FBXW7: variants seen among roughly 807,000 people sequenced by gnomAD.
The protein encoded by FBXW7 is F-box/WD repeat-containing protein 7.
A neutral mutation model predicts 86.3 loss-of-function variants in FBXW7; 11 were observed. The observed-to-expected ratio is 0.13, with a 90% CI of 0.08 to 0.21. The LOEUF (loss-of-function observed/expected upper bound fraction) is 0.21, where lower values mean the gene tolerates loss of function less well. FBXW7 is among the 10% of genes least tolerant of loss of function. The pLI, the probability that FBXW7 is intolerant of heterozygous loss-of-function variation, is 1.00. For synonymous variants in FBXW7, 313 were observed against 297.9 expected (o/e 1.05, Z -0.52); for missense variants, 488 against 847.4 (o/e 0.58, Z 5.27).
At chr4:152,362,848 A>AC (rs1014825445) in intron 4 of FBXW7, among the ~76,000 whole-genome samples, 1 of 150,990 alleles carries the variant, frequency 6.6e-6, no homozygotes, top group Non-Finnish European at 1.5e-5. Context: ...AAAAAAAAAA[A>AC]ACAACAAGAA....
At chr4:152,429,484 G>A (rs1739696821) in intron 2 of FBXW7, among the ~76,000 whole-genome samples, 1 of 152,044 alleles carries the variant, frequency 6.6e-6, no homozygotes. Context: ...ATCTCAACAA[G>A]GGTCTTTTTA....
intron 2 of FBXW7, among the ~76,000 whole-genome samples, chr4:152,511,918 AAGG>A (rs1413342154): frequency 1.3e-5 from 2 of 152,176 alleles, no homozygotes; most frequent in Non-Finnish European, 2.9e-5. Flanking sequence ...AGCATGTAAA[AAGG>A]AGAAAAAGAC....
At chr4:152,339,020 C>T (rs565172235) in intron 6 of FBXW7, among the ~76,000 whole-genome samples, 50 of 152,268 alleles carry the variant, frequency 3.3e-4, no homozygotes, top group African/African-American at 1.1e-3. Flanking sequence ...ATATGAGGAG[C>T]TGTATTTGGA....
At position 152,501,316 on chromosome 4, in the gene FBXW7, T is replaced by C. The variant is rs1007520034; in HGVS notation, c.-120+33625A>G. Among the ~76,000 whole-genome samples, 5 of 152,332 alleles carry C rather than the reference T, an allele frequency of 3.3e-5. No individual in the cohort carries two copies. In the East Asian group the frequency reaches 5.8e-4, roughly 18 times the overall value. On this transcript the variant is annotated intron_variant, in intron 2 of 13. Coordinates refer to ENST00000281708, the MANE Select transcript of FBXW7 (RefSeq NM_001349798.2). ...ACTTCCTTCTTTATTCATGAACTTA[T>C]GCTTCATAGGATTTTTAAAACAAGT...
intron 2 of FBXW7, among the ~76,000 whole-genome samples, chr4:152,441,634 A>G (rs2126985522): frequency 1.3e-5 from 2 of 152,354 alleles, no homozygotes; most frequent in Middle Eastern, 3.4e-3. Context: ...CAAAATACGC[A>G]AAGAGCCAAG....
At chr4:152,530,989 C>G (rs751000926) in intron 2 of FBXW7, 2 of 152,222 alleles carry the variant, frequency 1.3e-5, no homozygotes, top group Non-Finnish European at 2.9e-5. Context: ...GAAGACTTCT[C>G]CAAGAACCAT....
intron 4 of FBXW7, among the ~76,000 whole-genome samples, chr4:152,372,915 C>A (rs1039357339): frequency 3.3e-5 from 5 of 151,898 alleles, no homozygotes; most frequent in Admixed American, 3.3e-4. Context: ...TAGGGCACAA[C>A]CCAATACTAA....
chr4:152,487,145 C>T (rs1239806327), intron 2 of FBXW7, among the ~76,000 whole-genome samples: 2 of 152,114 alleles, frequency 1.3e-5, no homozygotes, highest in African/African-American at 4.8e-5. Context: ...TGTAGAAAAT[C>T]ATTTTGCAAG....
At chr4:152,358,300 C>T (rs1560801135) in intron 4 of FBXW7, among the ~76,000 whole-genome samples, 1 of 151,960 alleles carries the variant, frequency 6.6e-6, no homozygotes, top group East Asian at 1.9e-4. Flanking sequence ...AGGCCTAAAC[C>T]CTATTCACTC....
At chr4:152,470,251 A>T (rs998703953) in intron 2 of FBXW7, among the ~76,000 whole-genome samples, 3 of 152,148 alleles carry the variant, frequency 2.0e-5, no homozygotes, top group African/African-American at 4.8e-5. Flanking sequence ...TTACTAGACC[A>T]TGTAAAGAAT....
intron 4 of FBXW7, among the ~76,000 whole-genome samples, chr4:152,387,351 T>C (rs971151381): frequency 6.6e-6 from 1 of 152,142 alleles, no homozygotes; most frequent in Non-Finnish European, 1.5e-5. Flanking sequence ...TCAGATAATA[T>C]GGTATTATCA....
At chr4:152,389,509 CAG>C (rs1467705666) in intron 4 of FBXW7, among the ~76,000 whole-genome samples, 1 of 151,918 alleles carries the variant, frequency 6.6e-6, no homozygotes, top group East Asian at 1.9e-4. Context: ...AACACAGAAA[CAG>C]AAAGTCAAAT....
At chr4:152,518,047 G>A (rs1748665523) in intron 2 of FBXW7, among the ~76,000 whole-genome samples, 1 of 151,918 alleles carries the variant, frequency 6.6e-6, no homozygotes, top group Admixed American at 6.6e-5. Context: ...GGAGTGCAAT[G>A]GTGCAATCTC....
intron 2 of FBXW7, among the ~76,000 whole-genome samples, chr4:152,513,521 T>C (rs924139167): frequency 6.6e-6 from 1 of 152,232 alleles, no homozygotes; most frequent in African/African-American, 2.4e-5. Flanking sequence ...TATGTCTGAA[T>C]GTGAACAGGA....
rs541964754 is a variant in FBXW7 at position 152,358,851 on chromosome 4, G to A, written c.502-8727C>T. 2.0e-5 allele frequency among the ~76,000 whole-genome samples: 3 copies of A among 152,306 alleles called. No homozygotes were observed. In the East Asian group the frequency reaches 5.8e-4, roughly 29 times the overall value. On this transcript the variant is annotated intron_variant, in intron 4 of 13. Transcript: ENST00000281708. ...TAGCTGTATTTAACAGGTGGGAAAA[G>A]TAGGTACAGAATTAAGTGTCTTGCC...
chr4:152,345,574 A>G (rs370848893), intron 6 of FBXW7, among the ~76,000 whole-genome samples: 1 of 152,190 alleles, frequency 6.6e-6, no homozygotes, highest in East Asian at 1.9e-4. Context: ...AGTTATAAAA[A>G]TGAAAAATGT....
intron 4 of FBXW7, among the ~76,000 whole-genome samples, chr4:152,384,748 A>G (rs1275304121): frequency 6.6e-6 from 1 of 152,048 alleles, no homozygotes; most frequent in Non-Finnish European, 1.5e-5. Flanking sequence ...AAAATGGAAT[A>G]ATCATCACCA....
chr4:152,488,114 A>C (rs7698827), intron 2 of FBXW7, among the ~76,000 whole-genome samples: 4,648 of 152,126 alleles, frequency 0.031, 117 homozygotes, highest in African/African-American at 0.061. Flanking sequence ...TGAAAGTTTG[A>C]CTATTTTAAT....
rs560676340 is a variant in FBXW7, at chr4:152,343,450, C to A, written c.726+3480G>T. ...TTTAAGCAGATGTACATGTTTTTTC[C>A]CCTTTGACAACTTTTTAATGTTATG... is the stretch of plus-strand genomic sequence containing the variant. On this transcript the variant is annotated intron_variant, in intron 6 of 13. Transcript: ENST00000281708. 1.2e-4 allele frequency among the ~76,000 whole-genome samples: 18 copies of A among 152,044 alleles called. No homozygotes were observed. The East Asian group carries it at 2.3e-3, about 20-fold the overall frequency.
Sources: gnomAD v4.1 joint callset for allele counts (sites outside exome capture counted in the v4.1 genomes callset) on GRCh38, gnomAD v4.1.1 for gene constraint, MANE v1.5 for transcripts, NCBI Gene and HGNC (gene_info 2026-07-23, HGNC 2026-07-21) for gene names.